R3HDM1: variants seen among roughly 807,000 people sequenced by gnomAD.
R3HDM1 encodes R3H domain-containing protein 1.
R3HDM1 carries 46 observed loss-of-function variants against 141.1 expected under a neutral mutation model. The observed-to-expected ratio is 0.33, with a 90% CI of 0.26 to 0.42. The LOEUF is 0.42. Among genes scored for constraint, R3HDM1 ranks in the 10% least tolerant of loss-of-function variants. The probability of loss-of-function intolerance (pLI) is 1.00; values close to 1 mark genes in which losing one functional copy is unlikely to be tolerated. For synonymous variants in R3HDM1, 435 were observed against 472.9 expected, an observed-to-expected ratio of 0.92 and a Z score of 1.04; for missense variants, 1,184 against 1,368.3, an observed-to-expected ratio of 0.87 and a Z score of 2.12.
Position 135,651,869 on chromosome 2 carries a change from C to T in R3HDM1, c.1865C>T (p.Ala622Val), listed in dbSNP as rs2065183935. 3 of 1,613,942 alleles carry T rather than the reference C, an allele frequency of 1.9e-6. No homozygotes were observed. The African/African-American group carries it at 4.0e-5, about 22-fold the overall frequency. The change falls in exon 18 of 27, where the codon GCA becomes GTA. Residue 622 changes from alanine to valine, a missense_variant. Coordinates refer to ENST00000683871, the MANE Select transcript of R3HDM1 (RefSeq NM_001378107.1). ...SPQQSGYIMT[A>V]APPPHPPPPP... is the part of the protein sequence containing the mutation. ...CAGCAGTCTGGTTATATCATGACAGCAGCCCCTCCACCACATCCTCCTCCA... is the reference window on the plus strand; with the variant it reads ...CAGCAGTCTGGTTATATCATGACAGTAGCCCCTCCACCACATCCTCCTCCA...
intron 1 of R3HDM1, among the ~76,000 whole-genome samples, chr2:135,533,652 C>T (rs191940752): frequency 2.0e-5 from 3 of 152,244 alleles, no homozygotes; most frequent in East Asian, 3.9e-4. Context: ...GCTGGGCGGG[C>T]GGATCACCTG....
chr2:135,669,235 C>A, intron 19 of R3HDM1: 1 of 985,320 alleles, frequency 1.0e-6, no homozygotes, highest in Non-Finnish European at 1.2e-6. Flanking sequence ...AAGGACTGTT[C>A]CTCCCACAGA....
intron 1 of R3HDM1, among the ~76,000 whole-genome samples, chr2:135,582,629 G>A (rs1707079945): frequency 6.6e-6 from 1 of 152,156 alleles, no homozygotes; most frequent in Admixed American, 6.5e-5. Context: ...ACACTGCGTG[G>A]TATGGAGTAG....
intron 21 of R3HDM1, among the ~76,000 whole-genome samples, chr2:135,691,349 C>G (rs2072341574): frequency 6.6e-6 from 1 of 152,174 alleles, no homozygotes. Context: ...CATGGTGGCT[C>G]ATGCCTGTAA....
At chr2:135,599,977 T>A (rs539741742) in intron 1 of R3HDM1, among the ~76,000 whole-genome samples, 1 of 151,334 alleles carries the variant, frequency 6.6e-6, no homozygotes, top group African/African-American at 2.4e-5. Flanking sequence ...AAGGCTGCAG[T>A]GAGTCAGGAT....
chr2:135,671,580 G>C (rs1262836997), intron 19 of R3HDM1, among the ~76,000 whole-genome samples: 3 of 151,604 alleles, frequency 2.0e-5, no homozygotes, highest in Non-Finnish European at 2.9e-5. Flanking sequence ...TGTTGGTCAG[G>C]CTGGTCTTGA....
chr2:135,664,243 C>G (rs573199861), intron 19 of R3HDM1, among the ~76,000 whole-genome samples: 21 of 152,208 alleles, frequency 1.4e-4, no homozygotes, highest in African/African-American at 4.3e-4. Flanking sequence ...TCTTACCTCT[C>G]TACATTCTAC....
chr2:135,560,400 G>A (rs1701580471), intron 1 of R3HDM1, among the ~76,000 whole-genome samples: 1 of 152,064 alleles, frequency 6.6e-6, no homozygotes, highest in African/African-American at 2.4e-5. Flanking sequence ...ACTGCAAACG[G>A]CCTCCCAGGT....
chr2:135,537,280 T>G (rs1360911358), intron 1 of R3HDM1, among the ~76,000 whole-genome samples: 2 of 116,224 alleles, frequency 1.7e-5, no homozygotes, highest in Non-Finnish European at 3.3e-5. Context: ...AGTCTGTCTT[T>G]TTTTTTTTTT....
chr2:135,601,165 G>T (rs189735513), intron 1 of R3HDM1, among the ~76,000 whole-genome samples: 2 of 152,276 alleles, frequency 1.3e-5, no homozygotes, highest in East Asian at 3.9e-4. Flanking sequence ...ATACTTGAAG[G>T]ATTTTTGTTT....
chr2:135,687,795 G>C (rs1437970003), intron 21 of R3HDM1, among the ~76,000 whole-genome samples: 2 of 152,098 alleles, frequency 1.3e-5, no homozygotes, highest in Non-Finnish European at 2.9e-5. Flanking sequence ...TTGGGTTTAA[G>C]AAAAGTTATC....
chr2:135,536,256 T>C (rs1204752954), intron 1 of R3HDM1, among the ~76,000 whole-genome samples: 2 of 152,150 alleles, frequency 1.3e-5, no homozygotes, highest in East Asian at 1.9e-4. Flanking sequence ...CTTCCCATCT[T>C]ATGCTCCCAA....
At chr2:135,628,739 A>T (rs536826693) in intron 7 of R3HDM1, among the ~76,000 whole-genome samples, 1 of 151,694 alleles carries the variant, frequency 6.6e-6, no homozygotes, top group South Asian at 2.1e-4. Flanking sequence ...CAATTCTCCT[A>T]CCTCAGCCTC....
At chr2:135,619,610 GA>G (rs1426208975) in intron 5 of R3HDM1, 1 of 286,792 alleles carries the variant, frequency 3.5e-6, no homozygotes, top group African/African-American at 2.3e-5. Context: ...CTTCTAGTAG[GA>G]AGTCTTTTTC....
Position 135,715,540 on chromosome 2 carries a change from G to A in R3HDM1, c.2737-10G>A, listed in dbSNP as rs775717077. On this transcript the variant is annotated splice_polypyrimidine_tract_variant and intron_variant, in intron 23 of 26. Coordinates refer to ENST00000683871, the MANE Select transcript of R3HDM1 (RefSeq NM_001378107.1). ...TGCTGACCCATTTTCTTGACGTATT[G>A]TAATTGCAGCACAGCCCTCAACTCA... is the stretch of plus-strand genomic sequence containing the variant. 5.0e-6 allele frequency: 8 copies of A among 1,607,590 alleles called. No individual in the cohort carries two copies. Among genetic ancestry groups the A allele is most frequent in the Admixed American group, 1.7e-5 (1 of 58,668 alleles).
intron 21 of R3HDM1, among the ~76,000 whole-genome samples, chr2:135,690,712 G>GTTTT (rs1234832274): frequency 1.7e-4 from 18 of 105,170 alleles, no homozygotes; most frequent in African/African-American, 1.1e-3. Context: ...TATAAAAGAG[G>GTTTT]TTTTTTTTGT....
At chr2:135,652,499 C>T (rs567786492) in intron 18 of R3HDM1, among the ~76,000 whole-genome samples, 5 of 152,138 alleles carry the variant, frequency 3.3e-5, no homozygotes, top group Non-Finnish European at 7.3e-5. Context: ...CTGAAACAGA[C>T]CCCACTTGGT....
rs140573680 is a variant in R3HDM1 at position 135,683,618 on chromosome 2, A to G, written c.2459+3294A>G. On this transcript the variant is annotated intron_variant, in intron 21 of 26. Coordinates refer to ENST00000683871, the MANE Select transcript of R3HDM1 (RefSeq NM_001378107.1). ...GTGAAAAAAAATTCATAATTAACTG[A>G]TTAATTTTTTAAAACATAGCAGCAT... Among the ~76,000 whole-genome samples, 390 of 151,864 alleles carry G rather than the reference A, an allele frequency of 2.6e-3. 1 individual carries two copies. The highest frequency in any genetic ancestry group is 8.6e-3 in the African/African-American group (357 of 41,396).
In R3HDM1 at chr2:135,702,217, GAAAAAAAA is replaced by G. The variant is rs35183953; in HGVS notation, c.2460-7200_2460-7193del. Among the ~76,000 whole-genome samples the G allele has an allele frequency of 2.2e-3, 266 of 120,864 alleles. 1 individual carries two copies. Among genetic ancestry groups the G allele is most frequent in the African/African-American group, 0.01 (254 of 25,376 alleles). 79.3% of individuals were successfully genotyped at this position (120,864 alleles called of 152,430 possible). On this transcript the variant is annotated intron_variant, in intron 21 of 26. Coordinates refer to ENST00000683871, the MANE Select transcript of R3HDM1 (RefSeq NM_001378107.1). The stretch of plus-strand genomic sequence containing the variant: ...ACAGAGCAAGACGTTGTCTCAGGGG[GAAAAAAAA>G]AAAAAAAAAAAAAAAGGCTGGGCGC...
Sources: allele counts gnomAD v4.1 joint callset (sites outside exome capture counted in the v4.1 genomes callset), GRCh38; gene constraint gnomAD v4.1.1; transcripts MANE v1.5; gene names NCBI Gene and HGNC (gene_info 2026-07-23, HGNC 2026-07-21).